Variants in STAG1 observed in about 807,000 individuals in gnomAD.
STAG1 encodes STAG1 cohesin complex component, also known as cohesin subunit SA-1.
In STAG1, 26 loss-of-function variants were observed where a neutral mutation model predicts 170.9. The observed-to-expected ratio is 0.15, with a 90% CI of 0.11 to 0.21. The LOEUF (loss-of-function observed/expected upper bound fraction) is 0.21, where lower values mean the gene tolerates loss of function less well. Among genes scored for constraint, STAG1 ranks in the 10% least tolerant of loss-of-function variants. The probability of loss-of-function intolerance (pLI) is 1.00; values close to 1 mark genes in which losing one functional copy is unlikely to be tolerated. For synonymous variants in STAG1, 514 were observed against 497.7 expected, an observed-to-expected ratio of 1.03 and a Z score of -0.44; for missense variants, 964 against 1,509.5, an observed-to-expected ratio of 0.64 and a Z score of 5.99.
intron 4 of STAG1, among the ~76,000 whole-genome samples, chr3:136,575,431 C>G (rs890878716): frequency 1.3e-5 from 2 of 152,132 alleles, no homozygotes; most frequent in East Asian, 3.9e-4. Context: ...CGCCATTTTG[C>G]CTAGGCTGGT....
chr3:136,526,354 CTTCT>C (rs1935027302), intron 6 of STAG1, among the ~76,000 whole-genome samples: 1 of 152,128 alleles, frequency 6.6e-6, no homozygotes, highest in Non-Finnish European at 1.5e-5. Context: ...ATGTTATGGC[CTTCT>C]TTGTCTCTTT....
Position 136,422,612 on chromosome 3 carries a change from T to C in STAG1, c.1835A>G (p.His612Arg). ...AATCTGTTTTAATAAAGCATCCAGA[T>C]GCTGAGGAGACAAAAAAAGAAAAAC... ...EIYSTGRMEK[H>R]LDALLKQIKF... Residue 612 changes from histidine (H) to arginine (R), a missense_variant and splice_region_variant, in exon 19 of 34, where the codon CAT becomes CGT. Transcript: ENST00000383202. The C allele has an allele frequency of 6.2e-7, 1 of 1,604,100 alleles. No individual in the cohort carries two copies.
chr3:136,719,403 T>C (rs963209105), intron 1 of STAG1, among the ~76,000 whole-genome samples: 15 of 152,194 alleles, frequency 9.9e-5, no homozygotes, highest in South Asian at 6.2e-4. Flanking sequence ...TGGGGGGTGA[T>C]AGAAGTATTC....
At chr3:136,689,107 G>C (rs1942632965) in intron 1 of STAG1, among the ~76,000 whole-genome samples, 1 of 152,190 alleles carries the variant, frequency 6.6e-6, no homozygotes, top group African/African-American at 2.4e-5. Context: ...ACTTCAAGGG[G>C]AGTTCCCCAA....
At chr3:136,366,845 G>T in intron 25 of STAG1, 98 bp downstream of exon 25, 3 of 979,336 alleles carry the variant, frequency 3.1e-6, no homozygotes, top group East Asian at 2.5e-5. Context: ...CATTACATAG[G>T]TGAAAAGCTG....
At chr3:136,686,738 T>C (rs1407890750) in intron 1 of STAG1, among the ~76,000 whole-genome samples, 2 of 152,240 alleles carry the variant, frequency 1.3e-5, no homozygotes, top group Admixed American at 6.5e-5. Flanking sequence ...GACTTGTTTT[T>C]TTTAATCTTC....
intron 23 of STAG1, among the ~76,000 whole-genome samples, chr3:136,375,488 T>C (rs1576403903): frequency 6.6e-6 from 1 of 152,284 alleles, no homozygotes; most frequent in East Asian, 1.9e-4. Flanking sequence ...GTTGTCCAAC[T>C]GCAGCAAGAG....
chr3:136,544,040 A>G (rs1376692320), intron 5 of STAG1, among the ~76,000 whole-genome samples: 1 of 152,180 alleles, frequency 6.6e-6, no homozygotes, highest in Non-Finnish European at 1.5e-5. Context: ...CTTTTATCCC[A>G]AAACCAGGGA....
chr3:136,710,176 G>T (rs1459076484), intron 1 of STAG1, among the ~76,000 whole-genome samples: 19 of 152,108 alleles, frequency 1.2e-4, no homozygotes, highest in Admixed American at 1.2e-3. Flanking sequence ...TGGGGTTTTT[G>T]TTCTTTTTCC....
intron 2 of STAG1, among the ~76,000 whole-genome samples, chr3:136,629,894 T>C (rs1940261015): frequency 6.6e-6 from 1 of 152,102 alleles, no homozygotes; most frequent in Admixed American, 6.6e-5. Context: ...TTTCCCAGAA[T>C]AAGTCCCAAT....
intron 1 of STAG1, among the ~76,000 whole-genome samples, chr3:136,671,950 A>C (rs1489006578): frequency 6.6e-6 from 1 of 152,242 alleles, no homozygotes; most frequent in African/African-American, 2.4e-5. Flanking sequence ...AGAACAAAAA[A>C]GATAAACTAA....
intron 7 of STAG1, among the ~76,000 whole-genome samples, chr3:136,513,070 G>A (rs1319993124): frequency 3.3e-5 from 5 of 152,148 alleles, no homozygotes; most frequent in Admixed American, 1.3e-4. Flanking sequence ...CTTGGGCCGG[G>A]TGTAGTGGCC....
At chr3:136,667,290 A>G (rs148845680) in intron 1 of STAG1, among the ~76,000 whole-genome samples, 1 of 152,186 alleles carries the variant, frequency 6.6e-6, no homozygotes, top group Non-Finnish European at 1.5e-5. Flanking sequence ...ACTCACACCT[A>G]TAATTCCAGC....
At position 136,410,713 on chromosome 3, in the gene STAG1, C is replaced by T. The variant is rs146890505; in HGVS notation, c.2196+7172G>A. On this transcript the variant is annotated intron_variant, in intron 21 of 33. Transcript: ENST00000383202. ...AAATACACCAGCCTGGTGGCTCCCT[C>T]CTGTAATCTCAGCACTTTGGGAGGC... Among the ~76,000 whole-genome samples the T allele has an allele frequency of 4.1e-3, 631 of 152,320 alleles. 5 individuals carry two copies. Among genetic ancestry groups the T allele is most frequent in the African/African-American group, 0.015 (603 of 41,562 alleles).
At chr3:136,536,222 A>G (rs985361267) in intron 6 of STAG1, among the ~76,000 whole-genome samples, 1 of 152,184 alleles carries the variant, frequency 6.6e-6, no homozygotes, top group African/African-American at 2.4e-5. Context: ...TAAAAAGATT[A>G]TCCCAGATTA....
chr3:136,390,087 AC>A (rs1224037520), intron 22 of STAG1, among the ~76,000 whole-genome samples: 1 of 151,842 alleles, frequency 6.6e-6, no homozygotes. Context: ...CACCTTGGCC[AC>A]CCAAATTGCT....
chr3:136,657,155 T>C (rs942650639), intron 1 of STAG1, among the ~76,000 whole-genome samples: 1 of 147,806 alleles, frequency 6.8e-6, no homozygotes, highest in Non-Finnish European at 1.5e-5. Context: ...GATGCAAATA[T>C]AAAGAACGTC....
intron 7 of STAG1, among the ~76,000 whole-genome samples, chr3:136,520,803 T>C (rs555343322): frequency 1.8e-4 from 27 of 152,252 alleles, no homozygotes; most frequent in African/African-American, 6.0e-4. Flanking sequence ...GTTTCAAGTA[T>C]ATAAACAAGT....
intron 1 of STAG1, among the ~76,000 whole-genome samples, chr3:136,729,877 C>CCTTT: frequency 1.7e-5 from 1 of 58,512 alleles, no homozygotes; most frequent in Non-Finnish European, 3.0e-5. Context: ...CCACGCCAGG[C>CCTTT]TTTTTTTTTT....
Sources: gnomAD v4.1 joint callset for allele counts (sites outside exome capture counted in the v4.1 genomes callset) on GRCh38, gnomAD v4.1.1 for gene constraint, MANE v1.5 for transcripts, NCBI Gene and HGNC (gene_info 2026-07-23, HGNC 2026-07-21) for gene names.